The following WIF1 variants were observed in gnomAD, a reference collection of about 807,000 sequenced individuals.
The protein encoded by WIF1 is Wnt inhibitory factor 1.
In WIF1, 35 loss-of-function variants were observed where a neutral mutation model predicts 53.5. The observed-to-expected ratio is 0.65, with a 90% confidence interval of 0.50 to 0.87. WIF1 has a LOEUF of 0.87. WIF1 is among the 40% of genes least tolerant of loss of function. The pLI, the probability that WIF1 is intolerant of heterozygous loss-of-function variation, is 0.00. For synonymous variants in WIF1, 171 were observed against 170.4 expected (o/e 1.00, Z -0.03); for missense variants, 467 against 476.8 (o/e 0.98, Z 0.19).
chr12:65,060,027 A>AAAAAAAAC (rs1021418129), intron 7 of WIF1, among the ~76,000 whole-genome samples: 1 of 151,900 alleles, frequency 6.6e-6, no homozygotes, highest in Non-Finnish European at 1.5e-5. Context: ...TTCATTTAAA[A>AAAAAAAAC]AAAAAACAAA....
intron 8 of WIF1, among the ~76,000 whole-genome samples, chr12:65,055,613 A>C (rs1055533665): frequency 2.0e-5 from 3 of 152,146 alleles, no homozygotes; most frequent in Admixed American, 2.0e-4. Context: ...CTACTAAAAA[A>C]AAAATACGAA....
chr12:65,066,287 T>A (rs1431695197), intron 6 of WIF1, among the ~76,000 whole-genome samples: 1 of 152,228 alleles, frequency 6.6e-6, no homozygotes, highest in East Asian at 1.9e-4. Flanking sequence ...TTAATTAATT[T>A]ATTTTTAGCA....
At chr12:65,056,544 CAG>C (rs1443753137) in intron 7 of WIF1, among the ~76,000 whole-genome samples, 7 of 151,454 alleles carry the variant, frequency 4.6e-5, no homozygotes, top group Admixed American at 1.3e-4. Context: ...TTTTAATAAA[CAG>C]AATAATCTTT....
chr12:65,120,545 C>G lies in WIF1; in HGVS notation c.160G>C (p.Asp54His), dbSNP rs1176273231. The change falls in exon 2 of 10, where the codon GAT becomes CAT. Residue 54 changes from aspartate (D) to histidine (H), a missense_variant. By Grantham distance (81) the Asp-to-His change is moderately conservative. Coordinates refer to ENST00000286574, the MANE Select transcript of WIF1 (RefSeq NM_007191.5). ...TTCCCCTCTGAAACAATCAGGATATCTTCTTCAAATCCTGGTTTTTAAAAT... is the reference window on the plus strand; with the variant it reads ...TTCCCCTCTGAAACAATCAGGATATGTTCTTCAAATCCTGGTTTTTAAAAT... ...QARVLIGFEE[D>H]ILIVSEGKMA... is the part of the protein sequence containing the mutation. 6.2e-7 allele frequency: 1 copy of G among 1,609,544 alleles called. No homozygotes were observed. Among genetic ancestry groups the G allele is most frequent in the Non-Finnish European group, 8.5e-7 (1 of 1,178,890 alleles).
chr12:65,084,077 A>C (rs1380684890), intron 2 of WIF1, among the ~76,000 whole-genome samples: 1 of 152,010 alleles, frequency 6.6e-6, no homozygotes, highest in Non-Finnish European at 1.5e-5. Context: ...GCTCAGGGTT[A>C]TTGCTGTTTC....
At chr12:65,096,504 T>A (rs1449448662) in intron 2 of WIF1, among the ~76,000 whole-genome samples, 1 of 152,178 alleles carries the variant, frequency 6.6e-6, no homozygotes, top group Non-Finnish European at 1.5e-5. Context: ...GACCCAGCAA[T>A]CCCATTACTG....
At chr12:65,108,673 T>C (rs1056141217) in intron 2 of WIF1, among the ~76,000 whole-genome samples, 1 of 152,174 alleles carries the variant, frequency 6.6e-6, no homozygotes, top group Non-Finnish European at 1.5e-5. Context: ...TCCTCACCTT[T>C]CATGGTATCT....
intron 2 of WIF1, chr12:65,095,638 G>T (rs1286007420): frequency 1.3e-5 from 2 of 152,104 alleles, no homozygotes; most frequent in East Asian, 3.9e-4. Flanking sequence ...TCAGGTTTTT[G>T]AATATCTTCA....
rs989789606 is a variant in WIF1, at chr12:65,120,957, A to G, written c.148+87T>C. On this transcript the variant is annotated intron_variant, in intron 1 of 9. Coordinates refer to ENST00000286574, the MANE Select transcript of WIF1 (RefSeq NM_007191.5). ...TCTTTTGTGGAAATTAAGTTTTAAA[A>G]CACAAGAAACGCAGGTATCCCTCTT... 3 of 1,351,524 alleles carry G rather than the reference A, an allele frequency of 2.2e-6. No homozygotes were observed. In the African/African-American group the frequency reaches 4.5e-5, roughly 20 times the overall value. The allele number at this position is 1,351,524 out of a possible 1,614,324, so 83.7% of individuals were successfully genotyped here. A position where few individuals can be genotyped will look rare whatever the true frequency, so the allele number is the denominator to read the frequency against.
intron 2 of WIF1, among the ~76,000 whole-genome samples, chr12:65,084,698 A>G (rs1221521943): frequency 1.3e-5 from 2 of 152,226 alleles, no homozygotes; most frequent in African/African-American, 2.4e-5. Context: ...TATCTGCTGA[A>G]TAAGTGAATG....
At position 65,094,901 on chromosome 12, in the gene WIF1, C is replaced by T. The variant is rs916524970; in HGVS notation, c.289-17047G>A. Among the ~76,000 whole-genome samples the T allele has an allele frequency of 4.5e-5, 6 of 134,254 alleles. No individual in the cohort carries two copies. The South Asian group carries it at 7.5e-4, about 17-fold the overall frequency. 88.1% of individuals were successfully genotyped at this position (134,254 alleles called of 152,430 possible). ...CCTCCTCCTCCTCCTTCCTCTTCTT[C>T]TTATTTATTTATTTATTTATTTATT... On this transcript the variant is annotated intron_variant, in intron 2 of 9. Transcript: ENST00000286574.
intron 2 of WIF1, among the ~76,000 whole-genome samples, chr12:65,119,887 T>A (rs186367705): frequency 6.6e-6 from 1 of 152,352 alleles, no homozygotes; most frequent in African/African-American, 2.4e-5. Context: ...AAACATAGGC[T>A]GCAATATTTT....
chr12:65,066,075 A>T (rs1882682299), intron 6 of WIF1, among the ~76,000 whole-genome samples: 1 of 152,178 alleles, frequency 6.6e-6, no homozygotes, highest in Admixed American at 6.5e-5. Flanking sequence ...CTAAAATTCC[A>T]TGTGGCAAGA....
At chr12:65,068,648 CATGT>C (rs777533173) in intron 4 of WIF1, 112 bp downstream of exon 4, 48 of 1,103,240 alleles carry the variant, frequency 4.4e-5, no homozygotes, top group African/African-American at 1.3e-4. Flanking sequence ...TCCAAAAAAC[CATGT>C]GTGTGTGTGT....
chr12:65,064,879 T>TCCTTCTTGTGAATACATGAGTTCTTCAA (rs1478747086), intron 6 of WIF1, among the ~76,000 whole-genome samples: 1 of 152,162 alleles, frequency 6.6e-6, no homozygotes, highest in Non-Finnish European at 1.5e-5. Flanking sequence ...TCACAAATGG[T>TCCTTCTTGTGAATACATGAGTTCTTCAA]CTCTTGTGAA....
At position 65,121,187 on chromosome 12, in the gene WIF1, G is replaced by C. The variant is rs768745974; in HGVS notation, c.5C>G (p.Ala2Gly). Reference sequence around the variant, plus strand: ...GGCGGCAGGGAAGGCGCTCCTCCGGGCCATGCTGCTCAGGACCTCCTCGCT... The same window carrying C: ...GGCGGCAGGGAAGGCGCTCCTCCGGCCCATGCTGCTCAGGACCTCCTCGCT... Reference protein sequence around the residue: MARRSAFPAAAL... With the variant: MGRRSAFPAAAL... Residue 2 changes from alanine (A) to glycine (G), a missense_variant, in exon 1 of 10, where the codon GCC becomes GGC. Physicochemically the swap from Ala to Gly is moderately conservative, Grantham distance 60. Transcript: ENST00000286574. 24 of 1,533,496 alleles carry C rather than the reference G, an allele frequency of 1.6e-5. No individual in the cohort carries two copies. The highest frequency in any genetic ancestry group is 2.1e-4 in the Middle Eastern group (1 of 4,870). The allele number at this position is 1,533,496 out of a possible 1,614,324, so 95.0% of individuals were successfully genotyped here.
At chr12:65,076,541 A>G (rs928046061) in intron 3 of WIF1, among the ~76,000 whole-genome samples, 2 of 152,182 alleles carry the variant, frequency 1.3e-5, no homozygotes, top group South Asian at 2.1e-4. Context: ...TGACACAATA[A>G]TTCAACTTTT....
At chr12:65,108,233 C>A (rs1011748105) in intron 2 of WIF1, among the ~76,000 whole-genome samples, 1 of 152,148 alleles carries the variant, frequency 6.6e-6, no homozygotes, top group South Asian at 2.1e-4. Flanking sequence ...TAGTCTTGTT[C>A]ATTTTCAACC....
chr12:65,088,871 A>G (rs1211104685), intron 2 of WIF1, among the ~76,000 whole-genome samples: 1 of 151,958 alleles, frequency 6.6e-6, no homozygotes, highest in Non-Finnish European at 1.5e-5. Flanking sequence ...GCATATGAAT[A>G]TTTTTCTGGG....
Sources: allele counts gnomAD v4.1 joint callset (sites outside exome capture counted in the v4.1 genomes callset), GRCh38; gene constraint gnomAD v4.1.1; transcripts MANE v1.5; gene names NCBI Gene and HGNC (gene_info 2026-07-23, HGNC 2026-07-21).